VSX1: variants seen among roughly 807,000 people sequenced by gnomAD.
VSX1 encodes the protein visual system homeobox 1.
Under a neutral mutation model 23.6 loss-of-function variants are expected in VSX1, and 23 were observed. That is an observed-to-expected ratio of 0.97 (90% CI 0.70 to 1.38). The LOEUF (loss-of-function observed/expected upper bound fraction) is 1.38, where lower values mean the gene tolerates loss of function less well. Ranked by LOEUF, VSX1 falls within the 40% of genes most tolerant of loss-of-function variation. The pLI is 0.00. For missense variants in VSX1, 517 were observed against 495.4 expected (o/e 1.04, Z -0.41); for synonymous variants, 247 against 215.1 (o/e 1.15, Z -1.30).
At chr20:25,081,006 T>C (rs953046535) in intron 1 of VSX1, among the ~76,000 whole-genome samples, 2 of 152,350 alleles carry the variant, frequency 1.3e-5, no homozygotes, top group African/African-American at 2.4e-5. Flanking sequence ...CTTCCTTCTC[T>C]TTCCCCGCGA....
At position 25,077,698 on chromosome 20, in the gene VSX1, C is replaced by T. The variant is rs948053874; in HGVS notation, c.795G>A (p.Ala265=). 3.9e-6 allele frequency: 6 copies of T among 1,548,690 alleles called. No homozygotes were observed. The highest frequency in any genetic ancestry group is 2.4e-5 in the South Asian group (2 of 84,008). Residue 265 remains alanine (A), a synonymous_variant, in exon 4 of 5, where the codon GCG becomes GCA. Coordinates refer to ENST00000376709, the MANE Select transcript of VSX1 (RefSeq NM_014588.6). ...SAEGGLLGSC[A]PWLLGMHKKS... ...GCCCTTCCTTACCCAGGAGCCAGGG[C>T]GCGCAGGAGCCCAGCAGGCCGCCCT...
rs2089536057 is a variant in VSX1, at chr20:25,077,764, G to A, written c.729C>T (p.Arg243=). 6.4e-7 allele frequency: 1 copy of A among 1,550,828 alleles called. No homozygotes were observed. The highest frequency in any genetic ancestry group is 2.4e-5 in the East Asian group (1 of 40,906). Residue 243 remains arginine, a synonymous_variant, in exon 4 of 5, where the codon CGC becomes CGT. Coordinates refer to ENST00000376709, the MANE Select transcript of VSX1 (RefSeq NM_014588.6). The part of the protein sequence containing the change: ...AEYGLYGAMV[R]HCIPLPDSVL... The stretch of plus-strand genomic sequence containing the variant: ...CGGAGTCTGGCAGCGGGATGCAGTG[G>A]CGCACCATGGCCCCGTACAGCCCGT...
At position 25,077,785 on chromosome 20, in the gene VSX1, C is replaced by T. The variant is rs1203445045; in HGVS notation, c.708G>A (p.Gly236=). The T allele has an allele frequency of 6.4e-7, 1 of 1,551,100 alleles. No individual in the cohort carries two copies. The highest frequency in any genetic ancestry group is 8.7e-7 in the Non-Finnish European group (1 of 1,147,024). The change falls in exon 4 of 5, where the codon GGG becomes GGA. Residue 236 remains glycine, a synonymous_variant. Coordinates refer to ENST00000376709, the MANE Select transcript of VSX1 (RefSeq NM_014588.6). ...WGGSSVMAEY[G]LYGAMVRHCI... is the part of the protein sequence containing the mutation. ...AGTGGCGCACCATGGCCCCGTACAG[C>T]CCGTACTCGGCCATCACGCTGCTGC... is the stretch of plus-strand genomic sequence containing the variant.
At position 25,081,710 on chromosome 20, in the gene VSX1, G is replaced by T; in HGVS notation, c.387C>A (p.Leu129=). 6.6e-7 allele frequency: 1 copy of T among 1,504,382 alleles called. No homozygotes were observed. The highest frequency in any genetic ancestry group is 8.8e-7 in the Non-Finnish European group (1 of 1,134,818). The allele number at this position is 1,504,382 out of a possible 1,614,324, so 93.2% of individuals were successfully genotyped here. A position where few individuals can be genotyped will look rare whatever the true frequency, so the allele number is the denominator to read the frequency against. Residue 129 remains leucine (L), a synonymous_variant, in exon 1 of 5, where the codon CTC becomes CTA. Coordinates refer to ENST00000376709, the MANE Select transcript of VSX1 (RefSeq NM_014588.6). ...PLAPSRPPPA[L]GRQKRSDSVS... ...CGCTGTCGCTGCGCTTCTGGCGGCC[G>T]AGCGCAGGCGGCGGACGGCTGGGAG...
chr20:25,078,089 C>T (rs762089398), intron 3 of VSX1: 40 of 606,862 alleles, frequency 6.6e-5, no homozygotes, highest in Non-Finnish European at 1.0e-4. Flanking sequence ...GGGCATTCAA[C>T]GCAGTAGGGA....
intron 3 of VSX1, 60 bp downstream of exon 3, chr20:25,078,769 A>G: frequency 1.2e-6 from 2 of 1,614,126 alleles, no homozygotes; most frequent in East Asian, 4.5e-5. Flanking sequence ...GGCTCACTGA[A>G]TGTGGGAATG....
At position 25,082,047 on chromosome 20, in the gene VSX1, A is replaced by T; in HGVS notation, c.50T>A (p.Leu17Gln). The stretch of plus-strand genomic sequence containing the variant: ...GCCCCTAGGGGAACCGCCAGGCACC[A>T]GCGCCCTGCTGCTAGTGCGCCCGTC... ...LSDGRTSSRALVPGGSPRGSR... is the reference protein window; with the variant it reads ...LSDGRTSSRAQVPGGSPRGSR... Residue 17 changes from leucine (L) to glutamine (Q), a missense_variant, in exon 1 of 5, where the codon CTG becomes CAG. Coordinates refer to ENST00000376709, the MANE Select transcript of VSX1 (RefSeq NM_014588.6). 1 of 1,538,282 alleles carries T rather than the reference A, an allele frequency of 6.5e-7. No homozygotes were observed. The highest frequency in any genetic ancestry group is 8.7e-7 in the Non-Finnish European group (1 of 1,148,390).
intron 1 of VSX1, among the ~76,000 whole-genome samples, chr20:25,079,932 GC>G (rs1320688913): frequency 6.6e-6 from 1 of 151,962 alleles, no homozygotes; most frequent in Non-Finnish European, 1.5e-5. Flanking sequence ...CCACCCCTAT[GC>G]CCCCAGCCTC....
chr20:25,073,797 T>C (rs943138033), downstream of VSX1, among the ~76,000 whole-genome samples: 2 of 152,176 alleles, frequency 1.3e-5, no homozygotes, highest in African/African-American at 4.8e-5. Context: ...GGATTCCTGA[T>C]GATGTTCGTG....
chr20:25,077,019 C>T (rs1012823639), intron 4 of VSX1, among the ~76,000 whole-genome samples: 1 of 152,218 alleles, frequency 6.6e-6, no homozygotes, highest in African/African-American at 2.4e-5. Context: ...CTTCCTCCAT[C>T]TAAACCTAAA....
chr20:25,073,853 C>T (rs528195788), downstream of VSX1, among the ~76,000 whole-genome samples: 2 of 152,240 alleles, frequency 1.3e-5, no homozygotes, highest in Admixed American at 6.5e-5. Flanking sequence ...CACAGGACAG[C>T]GGTGGTCCTC....
At chr20:25,072,412 G>A (rs140980310), downstream of VSX1, 17 of 430,762 alleles carry the variant, frequency 3.9e-5, no homozygotes, top group Middle Eastern at 5.2e-4. Flanking sequence ...CTGTCCACAC[G>A]TGTGTGTGCT....
At chr20:25,077,612 G>A in intron 4 of VSX1, 73 bp downstream of exon 4, 1 of 1,520,450 alleles carries the variant, frequency 6.6e-7, no homozygotes, top group South Asian at 1.2e-5. Flanking sequence ...TGGCTGCCTC[G>A]GTGGGGACAC....
At position 25,076,152 on chromosome 20, in the gene VSX1, C is replaced by T. The variant is rs2089485517; in HGVS notation, c.*109G>A. Reference sequence around the variant, plus strand: ...GCATTGCATTTTATCTTGACATTGTCAGAAGAAAATCAAACTGAGAGTATA... The same window carrying T: ...GCATTGCATTTTATCTTGACATTGTTAGAAGAAAATCAAACTGAGAGTATA... On this transcript the variant is annotated 3_prime_UTR_variant, in exon 5 of 5. Transcript: ENST00000376709. The T allele has an allele frequency of 5.3e-6, 8 of 1,496,616 alleles. No individual in the cohort carries two copies. The highest frequency in any genetic ancestry group is 7.4e-6 in the Non-Finnish European group (8 of 1,081,018). 92.7% of individuals were successfully genotyped at this position (1,496,616 alleles called of 1,614,324 possible). A position where few individuals can be genotyped will look rare whatever the true frequency, so the allele number is the denominator to read the frequency against.
At chr20:25,072,447 G>T (rs1248730765), downstream of VSX1, 2 of 454,588 alleles carry the variant, frequency 4.4e-6, no homozygotes, top group Non-Finnish European at 9.1e-6. Flanking sequence ...CTGCTGCATG[G>T]GTCCATTTGT....
downstream of VSX1, among the ~76,000 whole-genome samples, chr20:25,074,516 A>G: frequency 6.6e-6 from 1 of 152,166 alleles, no homozygotes. Context: ...CACTACTTGT[A>G]TATTTTGTAT....
chr20:25,076,975 G>A (rs1260062400), intron 4 of VSX1, among the ~76,000 whole-genome samples: 2 of 152,206 alleles, frequency 1.3e-5, no homozygotes, highest in East Asian at 1.9e-4. Context: ...GGGCTGCTTG[G>A]TAGCTGTTCA....
chr20:25,082,057 T>C lies in VSX1; in HGVS notation c.40A>G (p.Ser14Gly), dbSNP rs2089663801. The change falls in exon 1 of 5, where the codon AGC becomes GGC. Residue 14 changes from serine (S) to glycine (G), a missense_variant. Coordinates refer to ENST00000376709, the MANE Select transcript of VSX1 (RefSeq NM_014588.6). ...RDSLSDGRTS[S>G]RALVPGGSPR... is the part of the protein sequence containing the mutation. ...GAACCGCCAGGCACCAGCGCCCTGC[T>C]GCTAGTGCGCCCGTCGGAAAGCGAG... The C allele has an allele frequency of 6.5e-7, 1 of 1,538,670 alleles. No homozygotes were observed. Among genetic ancestry groups the C allele is most frequent in the African/African-American group, 1.4e-5 (1 of 73,606 alleles).
intron 1 of VSX1, 55 bp downstream of exon 1, chr20:25,081,618 C>A: frequency 1.0e-5 from 16 of 1,540,358 alleles, no homozygotes; most frequent in Non-Finnish European, 1.3e-5. Context: ...GTGACCCCTG[C>A]GCGGCTCAGA....
Sources: gnomAD v4.1 joint callset for allele counts (sites outside exome capture counted in the v4.1 genomes callset) on GRCh38, gnomAD v4.1.1 for gene constraint, MANE v1.5 for transcripts, NCBI Gene and HGNC (gene_info 2026-07-23, HGNC 2026-07-21) for gene names.